Variants in PLXNC1 observed in about 807,000 individuals in gnomAD.
PLXNC1 encodes the protein plexin-C1.
In PLXNC1, 75 loss-of-function variants were observed where a neutral mutation model predicts 178.2. That is an observed-to-expected ratio of 0.42 (90% CI 0.35 to 0.51). The LOEUF (loss-of-function observed/expected upper bound fraction) is 0.51, where lower values mean the gene tolerates loss of function less well. Ranked by LOEUF, PLXNC1 falls within the 20% of genes least tolerant of loss-of-function variation. The pLI is 0.02. For synonymous variants in PLXNC1, 790 were observed against 779.9 expected (o/e 1.01, Z -0.22); for missense variants, 1,503 against 1,984.4 (o/e 0.76, Z 4.61).
At chr12:94,235,834 C>T (rs564019894) in intron 9 of PLXNC1, among the ~76,000 whole-genome samples, 5 of 152,228 alleles carry the variant, frequency 3.3e-5, no homozygotes, top group South Asian at 2.1e-4. Flanking sequence ...AAGCAGGTAG[C>T]GGGCAGGATC....
chr12:94,250,147 A>G (rs1321720656), intron 14 of PLXNC1, among the ~76,000 whole-genome samples: 6 of 152,142 alleles, frequency 3.9e-5, no homozygotes. Context: ...AAGAGCAGCA[A>G]GGAGGCCAGT....
At chr12:94,302,317 C>T (rs1968549002) in intron 28 of PLXNC1, among the ~76,000 whole-genome samples, 1 of 152,174 alleles carries the variant, frequency 6.6e-6, no homozygotes, top group Non-Finnish European at 1.5e-5. Flanking sequence ...GCTCATCTTT[C>T]CTGTCTCACA....
chr12:94,300,463 G>A lies in PLXNC1; in HGVS notation c.4239-447G>A, dbSNP rs190727371. On this transcript the variant is annotated intron_variant, in intron 27 of 30. Coordinates refer to ENST00000258526, the MANE Select transcript of PLXNC1 (RefSeq NM_005761.3). ...AGAACAGGAGAGTTGGAATGAGCGC[G>A]GTGAGGAGCAGTGGGATAGGAGGGC... Among the ~76,000 whole-genome samples, 58 of 152,282 alleles carry A rather than the reference G, an allele frequency of 3.8e-4. No homozygotes were observed. The East Asian group carries it at 0.01, about 27-fold the overall frequency.
chr12:94,298,889 A>G (rs1236597668), intron 27 of PLXNC1, 94 bp downstream of exon 27: 19 of 1,190,674 alleles, frequency 1.6e-5, no homozygotes, highest in Non-Finnish European at 2.1e-5. Flanking sequence ...GGATTCATTT[A>G]TCTCTATATC....
chr12:94,173,237 T>C (rs1158546841), intron 2 of PLXNC1, among the ~76,000 whole-genome samples: 1 of 152,208 alleles, frequency 6.6e-6, no homozygotes, highest in Admixed American at 6.5e-5. Flanking sequence ...CGAGTCTTTC[T>C]CCAGATTATA....
At chr12:94,234,853 C>T (rs1180905152) in intron 9 of PLXNC1, among the ~76,000 whole-genome samples, 1 of 151,986 alleles carries the variant, frequency 6.6e-6, no homozygotes, top group Non-Finnish European at 1.5e-5. Context: ...TGTGTAGAAC[C>T]TTTATGGGGA....
At chr12:94,221,215 A>G (rs542639047) in intron 6 of PLXNC1, among the ~76,000 whole-genome samples, 203 of 152,350 alleles carry the variant, frequency 1.3e-3, no homozygotes, top group Non-Finnish European at 2.4e-3. Flanking sequence ...ATCTGGCACA[A>G]CGTAGGCATT....
rs1329422817 is a variant in PLXNC1, at chr12:94,255,403, C to T, written c.3087+107C>T. On this transcript the variant is annotated intron_variant, in intron 17 of 30. Transcript: ENST00000258526. ...TTGCTTCCAAGGCAGCTATAATGTGCTTGGTACAAAAATAATGGCTTAAGT... is the reference window on the plus strand; with the variant it reads ...TTGCTTCCAAGGCAGCTATAATGTGTTTGGTACAAAAATAATGGCTTAAGT... 5 of 771,458 alleles carry T rather than the reference C, an allele frequency of 6.5e-6. No homozygotes were observed. The Admixed American group carries it at 7.8e-5, about 12-fold the overall frequency. The allele number at this position is 771,458 out of a possible 1,614,324, so 47.8% of individuals were successfully genotyped here.
Position 94,166,524 on chromosome 12 carries a change from GTATTATTATTATTATTATTATTAT to G in PLXNC1, c.1063-2608_1063-2585del, listed in dbSNP as rs55733946. 1.0e-3 allele frequency among the ~76,000 whole-genome samples: 145 copies of G among 144,090 alleles called. No individual in the cohort carries two copies. The East Asian group carries it at 0.016, about 16-fold the overall frequency. The allele number at this position is 144,090 out of a possible 152,430, so 94.5% of individuals were successfully genotyped here. A position where few individuals can be genotyped will look rare whatever the true frequency, so the allele number is the denominator to read the frequency against. On this transcript the variant is annotated intron_variant, in intron 1 of 30. Coordinates refer to ENST00000258526, the MANE Select transcript of PLXNC1 (RefSeq NM_005761.3). Reference sequence around the variant, plus strand: ...AGTAAGTATTAGTACATGTTAGCTGGTATTATTATTATTATTATTATTATTATTATTATTATTATTATTACTATC... The same window carrying G: ...AGTAAGTATTAGTACATGTTAGCTGGTATTATTATTATTATTATTACTATC...
Position 94,149,141 on chromosome 12 carries a change from T to G in PLXNC1, c.170T>G (p.Val57Gly). The stretch of plus-strand genomic sequence containing the variant: ...ATCGCGGCGAGCCAGGAGGACGGCG[T>G]GTTTGTGGCGAGCGGCAGCTGCCTG... ...GAIAASQEDGVFVASGSCLDQ... is the reference protein window; with the variant it reads ...GAIAASQEDGGFVASGSCLDQ... The change falls in exon 1 of 31, where the codon GTG becomes GGG. Residue 57 changes from valine to glycine, a missense_variant. Around this residue, in one of 4 missense-constraint regions of PLXNC1, gnomAD observed 176 missense variants for 180.7 expected, o/e 0.97. Transcript: ENST00000258526. 1 of 1,589,878 alleles carries G rather than the reference T, an allele frequency of 6.3e-7. No individual in the cohort carries two copies. The highest frequency in any genetic ancestry group is 8.5e-7 in the Non-Finnish European group (1 of 1,172,600).
intron 4 of PLXNC1, among the ~76,000 whole-genome samples, chr12:94,206,294 G>A (rs1159679362): frequency 1.3e-5 from 2 of 151,302 alleles, no homozygotes; most frequent in African/African-American, 2.4e-5. Flanking sequence ...TGAGGGAGGG[G>A]GCGGTTACAT....
At chr12:94,259,474 A>G in intron 18 of PLXNC1, 99 bp downstream of exon 18, 1 of 1,215,870 alleles carries the variant, frequency 8.2e-7, no homozygotes, top group Non-Finnish European at 1.2e-6. Context: ...TTGAATTTTT[A>G]TTGTGGGTTT....
chr12:94,188,958 T>G (rs914939228), intron 4 of PLXNC1, among the ~76,000 whole-genome samples: 1 of 149,354 alleles, frequency 6.7e-6, no homozygotes, highest in Non-Finnish European at 1.5e-5. Flanking sequence ...GAGGAAGCAC[T>G]GGAGGTTTGA....
At chr12:94,255,081 T>C (rs769890794) in intron 16 of PLXNC1, 112 bp from the exon 17 acceptor site, 11 of 959,490 alleles carry the variant, frequency 1.1e-5, no homozygotes, top group Non-Finnish European at 1.8e-5. Context: ...CATTATCTAT[T>C]GTTTCTTCTT....
chr12:94,236,300 G>C (rs184444040), intron 9 of PLXNC1, among the ~76,000 whole-genome samples: 3 of 152,250 alleles, frequency 2.0e-5, no homozygotes, highest in Non-Finnish European at 4.4e-5. Flanking sequence ...GCTGATGAGT[G>C]ATGGGGACGA....
intron 16 of PLXNC1, 68 bp downstream of exon 16, chr12:94,254,956 T>G (rs1258249782): frequency 3.2e-6 from 4 of 1,233,360 alleles, no homozygotes; most frequent in Non-Finnish European, 4.6e-6. Context: ...TTTTTACCCT[T>G]ACATAGAGAT....
intron 12 of PLXNC1, among the ~76,000 whole-genome samples, chr12:94,247,454 C>T (rs1285042951): frequency 1.3e-5 from 2 of 152,106 alleles, no homozygotes; most frequent in Non-Finnish European, 2.9e-5. Context: ...CAGGAGCTGG[C>T]CCTTGCTGAG....
chr12:94,207,568 C>T (rs372963743), intron 4 of PLXNC1, among the ~76,000 whole-genome samples: 64 of 152,206 alleles, frequency 4.2e-4, no homozygotes, highest in African/African-American at 1.4e-3. Context: ...TATCATGCTG[C>T]CAGACACTGA....
At chr12:94,170,327 T>C (rs1311972421) in intron 2 of PLXNC1, among the ~76,000 whole-genome samples, 1 of 152,166 alleles carries the variant, frequency 6.6e-6, no homozygotes, top group African/African-American at 2.4e-5. Flanking sequence ...GCACACGTAT[T>C]CCCCACCATC....
Sources: gnomAD v4.1 joint callset for allele counts (sites outside exome capture counted in the v4.1 genomes callset) on GRCh38, gnomAD v4.1.1 for gene constraint, gnomAD v4.1.1 regional missense constraint, MANE v1.5 for transcripts, NCBI Gene and HGNC (gene_info 2026-07-23, HGNC 2026-07-21) for gene names.